Variants in PHF19 observed in about 807,000 individuals in gnomAD.
PHF19 encodes the protein polycomb like 3.
Under a neutral mutation model 79.8 loss-of-function variants are expected in PHF19, and 21 were observed. The ratio of observed to expected loss-of-function variants is 0.26; its 90% CI spans 0.19 to 0.38. PHF19 has a LOEUF of 0.38. Among genes scored for constraint, PHF19 ranks in the 10% least tolerant of loss-of-function variants. The pLI is 1.00. For missense variants in PHF19, 445 were observed against 744.2 expected, an observed-to-expected ratio of 0.60 and a Z score of 4.68; for synonymous variants, 273 against 296.3, an observed-to-expected ratio of 0.92 and a Z score of 0.81.
intron 1 of PHF19, among the ~76,000 whole-genome samples, chr9:120,882,774 G>A (rs1226088783): frequency 4.1e-5 from 6 of 147,930 alleles, no homozygotes; most frequent in Non-Finnish European, 5.9e-5. Context: ...CCCAGAAGGC[G>A]TAGGTTGCAG....
At position 120,869,046 on chromosome 9, in the gene PHF19, C is replaced by T. The variant is rs2045805783; in HGVS notation, c.614+136G>A. 3.1e-6 allele frequency: 3 copies of T among 962,514 alleles called. No homozygotes were observed. The highest frequency in any genetic ancestry group is 4.2e-6 in the Non-Finnish European group (3 of 708,594). The allele number at this position is 962,514 out of a possible 1,614,324, so 59.6% of individuals were successfully genotyped here. On this transcript the variant is annotated intron_variant, in intron 6 of 14. Coordinates refer to ENST00000373896, the MANE Select transcript of PHF19 (RefSeq NM_015651.3). The surrounding 1 kb of genome is among the most constrained non-coding windows in gnomAD (Gnocchi z 5.8). The stretch of plus-strand genomic sequence containing the variant: ...CCCGCCCCTCGAGGCCCCGCCCCCA[C>T]AGCGCAACACACTGGGCCCGCCCTC...
intron 1 of PHF19, among the ~76,000 whole-genome samples, chr9:120,892,291 C>A (rs951118733): frequency 6.6e-6 from 1 of 152,074 alleles, no homozygotes; most frequent in Non-Finnish European, 1.5e-5. Flanking sequence ...TCGGCTCTCT[C>A]TTTTTTGAGC....
At position 120,860,956 on chromosome 9, in the gene PHF19, G is replaced by A. The variant is rs2045503996; in HGVS notation, c.1304+133C>T. The A allele has an allele frequency of 3.0e-6, 2 of 665,956 alleles. No individual in the cohort carries two copies. Among genetic ancestry groups the A allele is most frequent in the South Asian group, 1.6e-5 (1 of 62,216 alleles). 41.3% of individuals were successfully genotyped at this position (665,956 alleles called of 1,614,324 possible). A position where few individuals can be genotyped will look rare whatever the true frequency, so the allele number is the denominator to read the frequency against. On this transcript the variant is annotated intron_variant, in intron 13 of 14. Transcript: ENST00000373896. This position sits in a 1 kb window ranked among gnomAD's most constrained non-coding sequence, Gnocchi z 4.1. ...GCTCTGGGAACAGGGATGTTATGCT[G>A]AAAGCTCTACTGCAAAAAGCCCCTT...
Position 120,891,918 on chromosome 9 carries a change from C to G in PHF19, c.42+2870G>C, listed in dbSNP as rs1033089696. 8.5e-5 allele frequency among the ~76,000 whole-genome samples: 13 copies of G among 152,132 alleles called. No homozygotes were observed. Among genetic ancestry groups the G allele is most frequent in the African/African-American group, 3.1e-4 (13 of 41,408 alleles). On this transcript the variant is annotated intron_variant, in intron 1 of 14. Transcript: ENST00000616568. The surrounding 1 kb of genome is among the most constrained non-coding windows in gnomAD (Gnocchi z 4.3). The stretch of plus-strand genomic sequence containing the variant: ...ACAAATGTGCCAGGGCTCAAAACAT[C>G]CTAAAACAGGCTGCAAACCCCTGAC...
chr9:120,885,584 A>G (rs1312191458), intron 1 of PHF19, among the ~76,000 whole-genome samples: 3 of 16,108 alleles, frequency 1.9e-4, no homozygotes, highest in Non-Finnish European at 3.5e-4. Context: ...TCTTGGAAAA[A>G]AAAAAAAAAA....
At chr9:120,877,193 G>A, upstream of PHF19, 1 of 973,298 alleles carries the variant, frequency 1.0e-6, no homozygotes, top group Non-Finnish European at 1.2e-6. Flanking sequence ...CCGAGTGTCC[G>A]CCCGTGGGGC....
At chr9:120,895,867 G>T (rs2046397282), upstream of PHF19, among the ~76,000 whole-genome samples, 1 of 152,112 alleles carries the variant, frequency 6.6e-6, no homozygotes, top group Non-Finnish European at 1.5e-5. Context: ...TGGCCAGGCT[G>T]GTCTTGAATT....
At chr9:120,896,820 A>G (rs1391054744), upstream of PHF19, among the ~76,000 whole-genome samples, 1 of 152,170 alleles carries the variant, frequency 6.6e-6, no homozygotes, top group East Asian at 1.9e-4. Flanking sequence ...ACACCCTGAA[A>G]TGAAGTTTCA....
intron 3 of PHF19, among the ~76,000 whole-genome samples, chr9:120,872,763 G>GCAACCTCCTGCCT (rs1433181855): frequency 6.8e-6 from 1 of 147,584 alleles, no homozygotes; most frequent in Non-Finnish European, 1.5e-5. Context: ...TCAGCTCACT[G>GCAACCTCCTGCCT]CAACCTCCTG....
chr9:120,866,128 G>T lies in PHF19; in HGVS notation c.711-32C>A. On this transcript the variant is annotated intron_variant, in intron 7 of 14. Transcript: ENST00000373896. The surrounding 1 kb of genome is among the most constrained non-coding windows in gnomAD (Gnocchi z 5.2). ...GTGGGTAGAGACGGGGGCCTATGGTGGGAGGGGCTCTGACACCCCCACCCC... is the reference window on the plus strand; with the variant it reads ...GTGGGTAGAGACGGGGGCCTATGGTTGGAGGGGCTCTGACACCCCCACCCC... 6.4e-7 allele frequency: 1 copy of T among 1,550,444 alleles called. No homozygotes were observed. The highest frequency in any genetic ancestry group is 8.9e-7 in the Non-Finnish European group (1 of 1,122,198).
rs77088121 is a variant in PHF19 at position 120,866,944 on chromosome 9, T to C, written c.636A>G (p.Gln212=). 7.5e-4 allele frequency: 1,210 copies of C among 1,610,034 alleles called. 10 individuals are homozygous for C. In the African/African-American group the frequency reaches 0.013, roughly 18 times the overall value. ...GGAACCACTGCCTGCACCGGTAACATTGCAGCATCCGCAGGTACCATCTGG... is the reference window on the plus strand; with the variant it reads ...GGAACCACTGCCTGCACCGGTAACACTGCAGCATCCGCAGGTACCATCTGG... ...GPGEWYLRML[Q]CYRCRQWFHE... The change falls in exon 7 of 15, where the codon CAA becomes CAG. Residue 212 remains glutamine (Q), a synonymous_variant. Transcript: ENST00000373896. The surrounding 1 kb of genome is among the most constrained non-coding windows in gnomAD (Gnocchi z 5.2).
At chr9:120,897,026 T>C (rs1860823), upstream of PHF19, among the ~76,000 whole-genome samples, 104,534 of 152,220 alleles carry the variant, frequency 0.69, 36,186 homozygotes, top group South Asian at 0.82. Context: ...TGACTTGCTT[T>C]CAAGCCCCAG....
Position 120,869,157 on chromosome 9 carries a change from G to T in PHF19, c.614+25C>A. On this transcript the variant is annotated intron_variant, in intron 6 of 14. Transcript: ENST00000373896. This position sits in a 1 kb window ranked among gnomAD's most constrained non-coding sequence, Gnocchi z 5.8. Reference sequence around the variant, plus strand: ...TTCTTGGAGACCTGCCCTGCCGCCCGGGGGGCCCTGACCCCCTGCCTTACT... The same window carrying T: ...TTCTTGGAGACCTGCCCTGCCGCCCTGGGGGCCCTGACCCCCTGCCTTACT... 2 of 1,584,780 alleles carry T rather than the reference G, an allele frequency of 1.3e-6. No homozygotes were observed. The highest frequency in any genetic ancestry group is 1.1e-5 in the South Asian group (1 of 88,218).
chr9:120,885,817 A>G (rs2046255702), intron 1 of PHF19, among the ~76,000 whole-genome samples: 1 of 152,128 alleles, frequency 6.6e-6, no homozygotes, highest in African/African-American at 2.4e-5. Context: ...ATGACATGTG[A>G]CCTTCTTATG....
chr9:120,872,590 G>A (rs2045935275), intron 3 of PHF19, among the ~76,000 whole-genome samples: 1 of 152,172 alleles, frequency 6.6e-6, no homozygotes, highest in Non-Finnish European at 1.5e-5. Flanking sequence ...GGGGCAATTC[G>A]AAAGCTTTAC....
rs764934664 is a variant in PHF19, at chr9:120,874,626, T to G, written c.116A>C (p.Lys39Thr). ...CAGCACATACTGGCCCTCCGTCAGT[T>G]TGGACATCAAGTCTTTGAAGTTGTT... The part of the protein sequence containing the change: ...VKNNFKDLMS[K>T]LTEGQYVLCR... Residue 39 changes from lysine (K) to threonine (T), a missense_variant, in exon 2 of 15, where the codon AAA becomes ACA. By Grantham distance (78) the Lys-to-Thr change is moderately conservative. Around this residue, in one of 5 missense-constraint regions of PHF19, gnomAD observed 50 missense variants for 54.8 expected, o/e 0.91. Coordinates refer to ENST00000373896, the MANE Select transcript of PHF19 (RefSeq NM_015651.3). The surrounding 1 kb of genome is among the most constrained non-coding windows in gnomAD (Gnocchi z 4.5). The G allele has an allele frequency of 6.2e-7, 1 of 1,613,932 alleles. No individual in the cohort carries two copies. Among genetic ancestry groups the G allele is most frequent in the Non-Finnish European group, 8.5e-7 (1 of 1,179,802 alleles).
At chr9:120,887,621 AAC>A (rs764204141) in intron 1 of PHF19, among the ~76,000 whole-genome samples, 10,418 of 113,324 alleles carry the variant, frequency 0.092, 412 homozygotes, top group African/African-American at 0.12. Flanking sequence ...TTTATGAACA[AAC>A]ACACACACAC....
At chr9:120,885,186 C>T (rs1038457208) in intron 1 of PHF19, among the ~76,000 whole-genome samples, 7 of 152,204 alleles carry the variant, frequency 4.6e-5, no homozygotes, top group Non-Finnish European at 1.0e-4. Context: ...TCACTGCACT[C>T]CAGTCTGAGC....
chr9:120,870,095 G>T lies in PHF19; in HGVS notation c.365-150C>A. ...GAGCCTGGCTGCTGGTGCCCACCAA[G>T]ATGGCCAAGTCAGTGTCCAGGCTGG... is the stretch of plus-strand genomic sequence containing the variant. On this transcript the variant is annotated intron_variant, in intron 4 of 14. Transcript: ENST00000373896. This position sits in a 1 kb window ranked among gnomAD's most constrained non-coding sequence, Gnocchi z 4.4. 2 of 1,165,290 alleles carry T rather than the reference G, an allele frequency of 1.7e-6. No homozygotes were observed. Among genetic ancestry groups the T allele is most frequent in the Non-Finnish European group, 2.4e-6 (2 of 835,470 alleles). The allele number at this position is 1,165,290 out of a possible 1,614,324, so 72.2% of individuals were successfully genotyped here. A position where few individuals can be genotyped will look rare whatever the true frequency, so the allele number is the denominator to read the frequency against.
Sources: allele counts gnomAD v4.1 joint callset (sites outside exome capture counted in the v4.1 genomes callset), GRCh38; gene constraint gnomAD v4.1.1; regional missense constraint gnomAD v4.1.1; non-coding constraint Gnocchi (gnomAD v3.1); transcripts MANE v1.5; gene names NCBI Gene and HGNC (gene_info 2026-07-23, HGNC 2026-07-21).